Variants in NRXN1 observed in about 807,000 individuals in gnomAD.
NRXN1 encodes neurexin 1.
Under a neutral mutation model 150.9 loss-of-function variants are expected in NRXN1, and 39 were observed. The ratio of observed to expected loss-of-function variants is 0.26; its 90% CI spans 0.20 to 0.34. The LOEUF (loss-of-function observed/expected upper bound fraction) is 0.34. Ranked by LOEUF, NRXN1 falls within the 10% of genes least tolerant of loss-of-function variation. The probability of loss-of-function intolerance (pLI) is 1.00; values close to 1 mark genes in which losing one functional copy is unlikely to be tolerated. For missense variants in NRXN1, 1,815 were observed against 1,949.9 expected (o/e 0.93, Z 1.30); for synonymous variants, 924 against 757.0 (o/e 1.22, Z -3.62).
At chr2:50,466,864 C>A (rs1318665044) in intron 16 of NRXN1, among the ~76,000 whole-genome samples, 1 of 151,738 alleles carries the variant, frequency 6.6e-6, no homozygotes, top group East Asian at 1.9e-4. Context: ...TGTGCAGATA[C>A]AGTGTAGACT....
chr2:50,977,959 C>T (rs901783847), intron 2 of NRXN1, among the ~76,000 whole-genome samples: 3 of 151,564 alleles, frequency 2.0e-5, no homozygotes, highest in Non-Finnish European at 4.4e-5. Context: ...AAGCTATACA[C>T]CTTTTCTTCT....
chr2:51,030,198 G>A (rs952940811), intron 1 of NRXN1, among the ~76,000 whole-genome samples: 4 of 151,954 alleles, frequency 2.6e-5, no homozygotes, highest in African/African-American at 7.3e-5. Flanking sequence ...TGTCAAGGAA[G>A]TGCATTATTT....
chr2:51,003,498 A>G (rs1267500506), intron 2 of NRXN1, among the ~76,000 whole-genome samples: 1 of 151,996 alleles, frequency 6.6e-6, no homozygotes, highest in Non-Finnish European at 1.5e-5. Context: ...AATCATCAAA[A>G]TATCCTATCT....
intron 2 of NRXN1, among the ~76,000 whole-genome samples, chr2:50,958,253 T>C (rs902729391): frequency 4.6e-5 from 7 of 152,140 alleles, no homozygotes; most frequent in Admixed American, 6.6e-5. Flanking sequence ...CTCCTTGCTT[T>C]GGAGCTCAAC....
In NRXN1 at chr2:50,655,675, G is replaced by T. The variant is rs564904820; in HGVS notation, c.833-32060C>A. Reference sequence around the variant, plus strand: ...TGTTTTTATTTTTCTTTTGGGGGGGGAGGGAAGAAAGAGGACAGAAGAGAA... The same window carrying T: ...TGTTTTTATTTTTCTTTTGGGGGGGTAGGGAAGAAAGAGGACAGAAGAGAA... On this transcript the variant is annotated intron_variant, in intron 5 of 22. Transcript: ENST00000401669. Among the ~76,000 whole-genome samples the T allele has an allele frequency of 2.0e-5, 3 of 150,682 alleles. 1 individual carries two copies. Among genetic ancestry groups the T allele is most frequent in the African/African-American group, 7.4e-5 (3 of 40,456 alleles).
At chr2:50,891,920 C>T (rs1048419546) in intron 5 of NRXN1, among the ~76,000 whole-genome samples, 1 of 152,046 alleles carries the variant, frequency 6.6e-6, no homozygotes, top group Non-Finnish European at 1.5e-5. Flanking sequence ...ACTACATATG[C>T]CATGCACTGT....
At chr2:50,401,756 T>G (rs1449770081) in intron 17 of NRXN1, among the ~76,000 whole-genome samples, 1 of 152,194 alleles carries the variant, frequency 6.6e-6, no homozygotes, top group Non-Finnish European at 1.5e-5. Context: ...TTTATTTTAT[T>G]TTTTACAAAC....
At chr2:50,088,884 A>G (rs1699168750) in intron 19 of NRXN1, among the ~76,000 whole-genome samples, 1 of 152,124 alleles carries the variant, frequency 6.6e-6, no homozygotes, top group Non-Finnish European at 1.5e-5. Context: ...GGCATCTGGT[A>G]TGTGCACAGT....
At chr2:50,758,370 A>T (rs1319158580) in intron 5 of NRXN1, among the ~76,000 whole-genome samples, 1 of 151,952 alleles carries the variant, frequency 6.6e-6, no homozygotes, top group Non-Finnish European at 1.5e-5. Flanking sequence ...TGCTAACAAA[A>T]GATAAAGGTG....
At chr2:50,891,081 C>A (rs542771185) in intron 5 of NRXN1, among the ~76,000 whole-genome samples, 1 of 152,046 alleles carries the variant, frequency 6.6e-6, no homozygotes, top group African/African-American at 2.4e-5. Context: ...TACTCCACAG[C>A]CTCCTCGAAG....
chr2:50,513,983 G>A (rs2092550326), intron 12 of NRXN1, among the ~76,000 whole-genome samples: 1 of 152,052 alleles, frequency 6.6e-6, no homozygotes, highest in African/African-American at 2.4e-5. Context: ...TATCTTTATG[G>A]TGTACCCTGC....
intron 20 of NRXN1, among the ~76,000 whole-genome samples, chr2:50,054,062 T>A (rs1180211545): frequency 6.6e-6 from 1 of 152,210 alleles, no homozygotes; most frequent in Non-Finnish European, 1.5e-5. Context: ...TATATCTATA[T>A]GTTATTCTTT....
At chr2:50,808,104 G>C (rs1244381738) in intron 5 of NRXN1, among the ~76,000 whole-genome samples, 3 of 152,168 alleles carry the variant, frequency 2.0e-5, no homozygotes, top group African/African-American at 7.2e-5. Flanking sequence ...ATAACTATGA[G>C]TGAGGCTGGT....
At chr2:50,121,824 A>C (rs1425945192) in intron 18 of NRXN1, among the ~76,000 whole-genome samples, 1 of 152,240 alleles carries the variant, frequency 6.6e-6, no homozygotes, top group African/African-American at 2.4e-5. Context: ...AGCAAATCTA[A>C]AGTAAACCAT....
At chr2:50,274,533 G>A (rs944206753) in intron 17 of NRXN1, among the ~76,000 whole-genome samples, 5 of 152,042 alleles carry the variant, frequency 3.3e-5, no homozygotes, top group African/African-American at 1.2e-4. Context: ...TGCACATTCT[G>A]CACATGTATC....
chr2:49,940,119 G>A (rs1470280340), intron 22 of NRXN1, among the ~76,000 whole-genome samples: 1 of 152,128 alleles, frequency 6.6e-6, no homozygotes, highest in Non-Finnish European at 1.5e-5. Context: ...GGGAGGGTCA[G>A]AGTGATTAGA....
chr2:50,413,003 T>A (rs1305056475), intron 17 of NRXN1, among the ~76,000 whole-genome samples: 1 of 152,014 alleles, frequency 6.6e-6, no homozygotes, highest in Non-Finnish European at 1.5e-5. Flanking sequence ...CTGGGGAAAA[T>A]CTCCAGGACA....
At chr2:50,224,744 T>G (rs1424802782) in intron 18 of NRXN1, among the ~76,000 whole-genome samples, 5 of 147,432 alleles carry the variant, frequency 3.4e-5, no homozygotes, top group African/African-American at 5.0e-5. Context: ...AATGGTTAAA[T>G]TGCCAGGGTA....
rs1575169468 is a variant in NRXN1 at position 50,346,967 on chromosome 2, G to A, written c.3365-109997C>T. ...TGGTACATGGCGGGGCGCCCGCCGA[G>A]GGGCAGCCGCCGCGGGAGGCAAAGT... On this transcript the variant is annotated intron_variant, in intron 17 of 22. Coordinates refer to ENST00000401669, the MANE Select transcript of NRXN1 (RefSeq NM_001330078.2). This position sits in a 1 kb window ranked among gnomAD's most constrained non-coding sequence, Gnocchi z 5.0. The A allele has an allele frequency of 7.3e-7, 1 of 1,367,218 alleles. No individual in the cohort carries two copies. Among genetic ancestry groups the A allele is most frequent in the Non-Finnish European group, 9.4e-7 (1 of 1,059,596 alleles). The allele number at this position is 1,367,218 out of a possible 1,614,324, so 84.7% of individuals were successfully genotyped here.
Sources: gnomAD v4.1 joint callset for allele counts (sites outside exome capture counted in the v4.1 genomes callset) on GRCh38, gnomAD v4.1.1 for gene constraint, Gnocchi (gnomAD v3.1) non-coding constraint, MANE v1.5 for transcripts, NCBI Gene and HGNC (gene_info 2026-07-23, HGNC 2026-07-21) for gene names.